Variants in UBXN7 observed in about 807,000 individuals in gnomAD.
UBXN7 encodes the protein UBX domain protein 7, also known as UBX domain-containing protein 7.
UBXN7 carries 9 observed loss-of-function variants against 58.0 expected under a neutral mutation model. The ratio of observed to expected loss-of-function variants is 0.16; its 90% CI spans 0.09 to 0.27. The LOEUF is 0.27. UBXN7 is among the 10% of genes least tolerant of loss of function. The pLI is 1.00. For synonymous variants in UBXN7, 208 were observed against 205.0 expected, an observed-to-expected ratio of 1.01 and a Z score of -0.12; for missense variants, 328 against 599.6, an observed-to-expected ratio of 0.55 and a Z score of 4.73.
Position 196,369,376 on chromosome 3 carries a change from A to C in UBXN7, c.706+45T>G, listed in dbSNP as rs1384948001. 3 of 1,404,532 alleles carry C rather than the reference A, an allele frequency of 2.1e-6. No homozygotes were observed. The Admixed American group carries it at 5.5e-5, about 26-fold the overall frequency. The allele number at this position is 1,404,532 out of a possible 1,614,324, so 87.0% of individuals were successfully genotyped here. ...AAAGATCAATCATTTAGGTAACTGA[A>C]AGACAAGTAATAGGTTAAAAGCTGC... is the stretch of plus-strand genomic sequence containing the variant. On this transcript the variant is annotated intron_variant, in intron 7 of 10. Coordinates refer to ENST00000296328, the MANE Select transcript of UBXN7 (RefSeq NM_015562.2).
intron 5 of UBXN7, among the ~76,000 whole-genome samples, chr3:196,390,053 A>C (rs1470611835): frequency 6.6e-6 from 1 of 152,004 alleles, no homozygotes; most frequent in Non-Finnish European, 1.5e-5. Flanking sequence ...CCCCCTCTCC[A>C]CAAAATATTT....
rs928503620 is a variant in UBXN7 at position 196,350,903 on chromosome 3, G to C, written c.*5782C>G. 30 of 152,224 alleles carry C rather than the reference G, an allele frequency of 2.0e-4. No homozygotes were observed. Among genetic ancestry groups the C allele is most frequent in the African/African-American group, 5.8e-4 (24 of 41,466 alleles). 9.4% of individuals were successfully genotyped at this position (152,224 alleles called of 1,614,324 possible). On this transcript the variant is annotated 3_prime_UTR_variant, in exon 11 of 11. Coordinates refer to ENST00000296328, the MANE Select transcript of UBXN7 (RefSeq NM_015562.2). ...CTAAGCCAGGCAATCCAGTGAAGTT[G>C]AATGTCCATAGTACACAGCTGTCTT...
At chr3:196,394,924 G>C (rs138885346) in intron 3 of UBXN7, among the ~76,000 whole-genome samples, 7 of 152,302 alleles carry the variant, frequency 4.6e-5, no homozygotes, top group Non-Finnish European at 7.4e-5. Context: ...TACCCCTGTA[G>C]AGTGTCTATT....
At chr3:196,417,084 C>A (rs191441584) in intron 1 of UBXN7, among the ~76,000 whole-genome samples, 6 of 152,162 alleles carry the variant, frequency 3.9e-5, no homozygotes, top group African/African-American at 1.2e-4. Context: ...GGGGCCGAGG[C>A]GGGCGGATCA....
intron 7 of UBXN7, among the ~76,000 whole-genome samples, 157 bp downstream of exon 7, chr3:196,369,264 A>G (rs1039634467): frequency 4.6e-5 from 7 of 152,244 alleles, no homozygotes; most frequent in African/African-American, 1.7e-4. Context: ...TACATACATC[A>G]ATAGATGTTT....
At chr3:196,426,587 AC>A (rs1030800169) in intron 1 of UBXN7, among the ~76,000 whole-genome samples, 3 of 151,626 alleles carry the variant, frequency 2.0e-5, no homozygotes, top group Non-Finnish European at 2.9e-5. Flanking sequence ...GGTGGTTCAC[AC>A]CGGTAATCCC....
chr3:196,411,786 G>C (rs925151521), intron 1 of UBXN7, among the ~76,000 whole-genome samples: 2 of 152,138 alleles, frequency 1.3e-5, no homozygotes, highest in Admixed American at 1.3e-4. Context: ...CTCCAGCCTG[G>C]GGCACAAGAG....
At chr3:196,431,799 G>A (rs772185028) in intron 1 of UBXN7, 2 of 429,434 alleles carry the variant, frequency 4.7e-6, no homozygotes, top group South Asian at 3.3e-5. Flanking sequence ...TTGCCGTGAA[G>A]GCGGGAGGGC....
At chr3:196,419,377 A>G (rs1276281419) in intron 1 of UBXN7, among the ~76,000 whole-genome samples, 1 of 152,246 alleles carries the variant, frequency 6.6e-6, no homozygotes, top group Non-Finnish European at 1.5e-5. Flanking sequence ...AGTGAACTGC[A>G]AGAGCGTTCC....
At chr3:196,384,620 T>C (rs1729316820) in intron 5 of UBXN7, among the ~76,000 whole-genome samples, 1 of 152,152 alleles carries the variant, frequency 6.6e-6, no homozygotes, top group African/African-American at 2.4e-5. Context: ...GTCGGCTTCA[T>C]CCCTGGGATG....
intron 3 of UBXN7, chr3:196,397,482 A>C (rs1433413711): frequency 6.6e-6 from 1 of 152,248 alleles, no homozygotes; most frequent in Non-Finnish European, 1.5e-5. Context: ...GCAGTTGTAA[A>C]AGGGAGTAGT....
At chr3:196,395,785 C>A (rs930985803) in intron 3 of UBXN7, among the ~76,000 whole-genome samples, 3 of 150,112 alleles carry the variant, frequency 2.0e-5, no homozygotes, top group East Asian at 2.0e-4. Flanking sequence ...TTATTTATTG[C>A]GACAGAGTCT....
intron 5 of UBXN7, among the ~76,000 whole-genome samples, chr3:196,375,390 G>T (rs1444282939): frequency 6.6e-6 from 1 of 152,070 alleles, no homozygotes; most frequent in Non-Finnish European, 1.5e-5. Context: ...GCCAAGACAG[G>T]AGGATTGCTT....
At chr3:196,372,206 A>G (rs528568399) in intron 5 of UBXN7, among the ~76,000 whole-genome samples, 164 bp from the exon 6 acceptor site, 1 of 152,216 alleles carries the variant, frequency 6.6e-6, no homozygotes, top group African/African-American at 2.4e-5. Context: ...TTTACTTCGC[A>G]TATGCATTTA....
In UBXN7 at chr3:196,356,641, A is replaced by C. The variant is rs1728357187; in HGVS notation, c.*44T>G. On this transcript the variant is annotated 3_prime_UTR_variant, in exon 11 of 11. Coordinates refer to ENST00000296328, the MANE Select transcript of UBXN7 (RefSeq NM_015562.2). ...TACTTAGTGACATGTATCTCACAGGAAAAGGGAAAAAAGGGGTAAGCTGAG... is the reference window on the plus strand; with the variant it reads ...TACTTAGTGACATGTATCTCACAGGCAAAGGGAAAAAAGGGGTAAGCTGAG... 1.9e-6 allele frequency: 3 copies of C among 1,548,558 alleles called. No homozygotes were observed. The highest frequency in any genetic ancestry group is 1.2e-5 in the South Asian group (1 of 80,814).
intron 10 of UBXN7, among the ~76,000 whole-genome samples, chr3:196,358,055 CA>C (rs2108825162): frequency 6.6e-6 from 1 of 151,998 alleles, no homozygotes; most frequent in South Asian, 2.1e-4. Context: ...AAGAAAAAAA[CA>C]AAAACAACAC....
chr3:196,419,546 A>T (rs965356558), intron 1 of UBXN7, among the ~76,000 whole-genome samples: 5 of 152,238 alleles, frequency 3.3e-5, no homozygotes, highest in African/African-American at 7.2e-5. Flanking sequence ...TTCCCGTATC[A>T]TCAGTTGTTC....
chr3:196,420,574 T>C (rs1365909150), intron 1 of UBXN7, among the ~76,000 whole-genome samples: 1 of 152,050 alleles, frequency 6.6e-6, no homozygotes, highest in Non-Finnish European at 1.5e-5. Context: ...CGGACTTATT[T>C]TGAGGCTCCG....
At chr3:196,424,863 C>G (rs977371036) in intron 1 of UBXN7, among the ~76,000 whole-genome samples, 2 of 151,866 alleles carry the variant, frequency 1.3e-5, no homozygotes, top group Non-Finnish European at 2.9e-5. Context: ...CCACCATGCC[C>G]GGCTAGTTTT....
Sources: gnomAD v4.1 joint callset for allele counts (sites outside exome capture counted in the v4.1 genomes callset) on GRCh38, gnomAD v4.1.1 for gene constraint, MANE v1.5 for transcripts, NCBI Gene and HGNC (gene_info 2026-07-23, HGNC 2026-07-21) for gene names.